The following NRG4 variants were observed in gnomAD, a reference collection of about 807,000 sequenced individuals.
NRG4 encodes the protein neuregulin 4.
Under a neutral mutation model 15.0 loss-of-function variants are expected in NRG4, and 10 were observed. The observed-to-expected ratio is 0.67, with a 90% confidence interval of 0.41 to 1.13. The LOEUF (loss-of-function observed/expected upper bound fraction) is 1.13, where lower values mean the gene tolerates loss of function less well. NRG4 is among the 50% of genes most tolerant of loss of function. The pLI is 0.00. For synonymous variants in NRG4, 41 were observed against 50.1 expected (o/e 0.82, Z 0.77); for missense variants, 139 against 140.2 (o/e 0.99, Z 0.04).
intron 5 of NRG4, among the ~76,000 whole-genome samples, chr15:76,033,540 G>A (rs1167136355): frequency 1.3e-5 from 2 of 152,188 alleles, no homozygotes; most frequent in African/African-American, 4.8e-5. Flanking sequence ...GCTTTAGGTT[G>A]TAACAGTCAA....
At chr15:76,011,068 TATTTCATATTTGAAATATTA>T (rs1359774648) in intron 2 of NRG4, among the ~76,000 whole-genome samples, 133 bp downstream of exon 2, 1 of 152,136 alleles carries the variant, frequency 6.6e-6, no homozygotes, top group African/African-American at 2.4e-5. Context: ...CAAAACCAAA[TATTTCATATTTGAAATATTA>T]ATTTCATATT....
intron 5 of NRG4, among the ~76,000 whole-genome samples, chr15:76,025,651 A>G (rs2035293605): frequency 6.6e-6 from 1 of 152,070 alleles, no homozygotes; most frequent in Non-Finnish European, 1.5e-5. Context: ...CAAGACTGGT[A>G]GATCACTTGA....
At chr15:75,984,567 C>T (rs775562230) in intron 3 of NRG4, among the ~76,000 whole-genome samples, 1 of 152,068 alleles carries the variant, frequency 6.6e-6, no homozygotes, top group Admixed American at 6.6e-5. Flanking sequence ...TGTTCTCACT[C>T]ATAAGTGGGA....
intron 2 of NRG4, among the ~76,000 whole-genome samples, chr15:76,009,552 A>G (rs1278442596): frequency 6.6e-6 from 1 of 152,192 alleles, no homozygotes; most frequent in Non-Finnish European, 1.5e-5. Flanking sequence ...GAAATAAGGA[A>G]TATCTATATT....
chr15:76,026,181 A>G (rs1054985517), intron 5 of NRG4, among the ~76,000 whole-genome samples: 2 of 152,246 alleles, frequency 1.3e-5, no homozygotes, highest in African/African-American at 4.8e-5. Flanking sequence ...CAGATATCCA[A>G]TTCCAGAAAG....
chr15:76,012,835 A>T (rs559469048), upstream of NRG4, among the ~76,000 whole-genome samples: 162 of 152,326 alleles, frequency 1.1e-3, 1 homozygote, highest in African/African-American at 3.9e-3. Flanking sequence ...AGAACTTATA[A>T]AGCTAAAAGA....
intron 2 of NRG4, 32 bp from the exon 3 acceptor site, chr15:76,009,325 A>G (rs2034723117): frequency 9.5e-7 from 1 of 1,048,258 alleles, no homozygotes; most frequent in South Asian, 1.7e-5. Flanking sequence ...AATAGAGAAA[A>G]GCAAATTAAA....
chr15:76,017,248 G>A (rs1241955174), upstream of NRG4, among the ~76,000 whole-genome samples: 3 of 141,534 alleles, frequency 2.1e-5, no homozygotes, highest in Non-Finnish European at 4.5e-5. Flanking sequence ...CATATAAGAT[G>A]GGTCTCCTAA....
intron 3 of NRG4, among the ~76,000 whole-genome samples, chr15:75,973,154 A>G (rs1014301725): frequency 1.3e-5 from 2 of 152,126 alleles, no homozygotes; most frequent in Non-Finnish European, 2.9e-5. Flanking sequence ...GAATTCACTC[A>G]TGATTTGGCT....
At chr15:75,985,337 C>T (rs917067055) in intron 3 of NRG4, among the ~76,000 whole-genome samples, 1 of 152,138 alleles carries the variant, frequency 6.6e-6, no homozygotes, top group African/African-American at 2.4e-5. Context: ...GCACAAGCTT[C>T]GAAGAGTTCC....
intron 3 of NRG4, among the ~76,000 whole-genome samples, chr15:75,965,356 T>C (rs1416008382): frequency 1.3e-5 from 2 of 152,214 alleles, no homozygotes; most frequent in East Asian, 3.9e-4. Flanking sequence ...GATCAGGGTT[T>C]ATGCAAATAG....
intron 4 of NRG4, among the ~76,000 whole-genome samples, chr15:76,039,313 T>C (rs2035673824): frequency 6.6e-6 from 1 of 151,918 alleles, no homozygotes; most frequent in South Asian, 2.1e-4. Flanking sequence ...ATACATGATC[T>C]TTCAGACAGA....
At chr15:76,050,597 A>ATTTTTTTTT (rs35228253) in intron 4 of NRG4, among the ~76,000 whole-genome samples, 20 of 108,920 alleles carry the variant, frequency 1.8e-4, no homozygotes, top group South Asian at 3.2e-4. Context: ...CGCTCGGCTA[A>ATTTTTTTTT]TTTTTTTTTT....
chr15:75,953,374 A>G lies in NRG4; in HGVS notation c.331+2558T>C, dbSNP rs28690105. Among the ~76,000 whole-genome samples the G allele has an allele frequency of 1.2e-3, 190 of 152,296 alleles. 1 individual carries two copies. The highest frequency in any genetic ancestry group is 4.4e-3 in the African/African-American group (184 of 41,558). On this transcript the variant is annotated intron_variant, in intron 5 of 5. Transcript: ENST00000394907. ...ACTCTCAATTGTATTCCATTCATCT[A>G]TATGTCTATCCTTATGCCAGCACTA... is the stretch of plus-strand genomic sequence containing the variant.
In NRG4 at chr15:75,943,611, A is replaced by C; in HGVS notation, c.*27T>G. ...TTTTCTGCCTTTGTAAAATAAAAAC[A>C]ATGATTTGGTTCACTTTGACGTTTC... On this transcript the variant is annotated 3_prime_UTR_variant, in exon 6 of 6. Transcript: ENST00000394907. The C allele has an allele frequency of 2.7e-6, 4 of 1,467,736 alleles. No homozygotes were observed. Among genetic ancestry groups the C allele is most frequent in the Non-Finnish European group, 3.8e-6 (4 of 1,050,840 alleles). The allele number at this position is 1,467,736 out of a possible 1,614,324, so 90.9% of individuals were successfully genotyped here. A position where few individuals can be genotyped will look rare whatever the true frequency, so the allele number is the denominator to read the frequency against.
At chr15:76,038,064 T>A (rs934031332) in intron 4 of NRG4, among the ~76,000 whole-genome samples, 7 of 152,114 alleles carry the variant, frequency 4.6e-5, no homozygotes, top group African/African-American at 1.7e-4. Context: ...GGATGCATCA[T>A]CTGCTGGCTA....
chr15:76,057,459 G>A (rs1383231825), intron 1 of NRG4, among the ~76,000 whole-genome samples: 1 of 152,174 alleles, frequency 6.6e-6, no homozygotes, highest in Non-Finnish European at 1.5e-5. Context: ...AGCCTCAAGG[G>A]CTAATCCTCC....
intron 5 of NRG4, among the ~76,000 whole-genome samples, chr15:76,026,380 A>T (rs1329534198): frequency 6.6e-6 from 1 of 152,200 alleles, no homozygotes; most frequent in African/African-American, 2.4e-5. Flanking sequence ...AGAAAATAGG[A>T]TATAATCAAA....
chr15:75,974,848 G>A (rs750883623), intron 3 of NRG4, among the ~76,000 whole-genome samples: 7 of 152,196 alleles, frequency 4.6e-5, no homozygotes, highest in Non-Finnish European at 1.0e-4. Context: ...GGGATGAAGA[G>A]TTCTGTAGAC....
Sources: allele counts gnomAD v4.1 joint callset (sites outside exome capture counted in the v4.1 genomes callset), GRCh38; gene constraint gnomAD v4.1.1; transcripts MANE v1.5; gene names NCBI Gene and HGNC (gene_info 2026-07-23, HGNC 2026-07-21).